Variants in SRPRB observed in about 807,000 individuals in gnomAD.
SRPRB encodes signal recognition particle receptor subunit beta.
In SRPRB, 20 loss-of-function variants were observed where a neutral mutation model predicts 31.9. The observed-to-expected ratio is 0.63, with a 90% CI of 0.44 to 0.91. The LOEUF (loss-of-function observed/expected upper bound fraction) is 0.91, where lower values mean the gene tolerates loss of function less well. Among genes scored for constraint, SRPRB ranks in the 40% least tolerant of loss-of-function variants. The probability of loss-of-function intolerance (pLI) is 0.00; values close to 1 mark genes in which losing one functional copy is unlikely to be tolerated. For synonymous variants in SRPRB, 146 were observed against 132.8 expected (o/e 1.10, Z -0.68); for missense variants, 321 against 324.9 (o/e 0.99, Z 0.09).
chr3:133,824,580 T>C (rs1935526899), downstream of SRPRB: 1 of 151,694 alleles, frequency 6.6e-6, no homozygotes, highest in East Asian at 1.9e-4. Flanking sequence ...GTCCAAGGAG[T>C]TTGCACATTG....
chr3:133,805,617 C>T (rs1935136468), upstream of SRPRB: 1 of 411,898 alleles, frequency 2.4e-6, no homozygotes, highest in African/African-American at 2.1e-5. Flanking sequence ...ACTGACTCAT[C>T]TCTTAAAAGA....
intron 1 of SRPRB, 29 bp downstream of exon 1, chr3:133,806,031 T>C (rs903911528): frequency 6.3e-7 from 1 of 1,599,534 alleles, no homozygotes; most frequent in Non-Finnish European, 8.5e-7. Flanking sequence ...TCATGGCGGG[T>C]TTGGGGCGGG....
chr3:133,784,851 T>C (rs150442028), intron 1 of SRPRB: 4 of 152,434 alleles, frequency 2.6e-5, no homozygotes, highest in Non-Finnish European at 5.9e-5. Flanking sequence ...CTGGTCATAT[T>C]TAGAAGACAT....
At position 133,805,985 on chromosome 3, in the gene SRPRB, C is replaced by G. The variant is rs144338029; in HGVS notation, c.137C>G (p.Ala46Gly). The G allele has an allele frequency of 3.7e-6, 6 of 1,612,722 alleles. No individual in the cohort carries two copies. The Middle Eastern group carries it at 6.6e-4, about 177-fold the overall frequency. ...TLLSVVVAVL[A>G]VLLTLVFWKL... is the part of the protein sequence containing the mutation. Reference sequence around the variant, plus strand: ...TTGTCAGTAGTGGTGGCGGTTCTTGCGGTGCTGCTGACGCTAGGTAAAAGG... The same window carrying G: ...TTGTCAGTAGTGGTGGCGGTTCTTGGGGTGCTGCTGACGCTAGGTAAAAGG... Residue 46 changes from alanine to glycine, a missense_variant, in exon 1 of 7, where the codon GCG becomes GGG. By Grantham distance (60) the Ala-to-Gly change is moderately conservative. Coordinates refer to ENST00000678299, the MANE Select transcript of SRPRB (RefSeq NM_001379313.1).
chr3:133,809,883 G>C (rs1268980023), intron 3 of SRPRB, among the ~76,000 whole-genome samples: 3 of 151,362 alleles, frequency 2.0e-5, no homozygotes, highest in Non-Finnish European at 2.9e-5. Context: ...TTTTTATTAT[G>C]GTTACTGGAA....
Position 133,821,376 on chromosome 3 carries a change from T to G in SRPRB, c.*1610T>G, listed in dbSNP as rs1940952628. On this transcript the variant is annotated 3_prime_UTR_variant, in exon 7 of 7. Transcript: ENST00000678299. ...GACTCTTATTTCTTGCCCTTTTCCT[T>G]ATTAGGCAAGCAGTAACTTAGGAAG... 1 of 152,188 alleles carries G rather than the reference T, an allele frequency of 6.6e-6. No individual in the cohort carries two copies. The highest frequency in any genetic ancestry group is 6.5e-5 in the Admixed American group (1 of 15,284). The allele number at this position is 152,188 out of a possible 1,614,324, so 9.4% of individuals were successfully genotyped here. A position where few individuals can be genotyped will look rare whatever the true frequency, so the allele number is the denominator to read the frequency against.
In SRPRB at chr3:133,792,169, C is replaced by G. The variant is rs150388097; in HGVS notation, c.-174+8025C>G. The G allele has an allele frequency of 3.0e-4, 45 of 152,178 alleles. 1 individual carries two copies. Among genetic ancestry groups the G allele is most frequent in the African/African-American group, 1.1e-3 (45 of 41,522 alleles). The allele number at this position is 152,178 out of a possible 1,614,324, so 9.4% of individuals were successfully genotyped here. A position where few individuals can be genotyped will look rare whatever the true frequency, so the allele number is the denominator to read the frequency against. On this transcript the variant is annotated intron_variant, in intron 1 of 7. Coordinates refer to the SRPRB transcript ENST00000466490. The stretch of plus-strand genomic sequence containing the variant: ...AAGGCCTGGGGACAAATAGAATTAG[C>G]CATGTCCCCTAGCTATGCAAAGAAG...
rs1935439801 is a variant in SRPRB, at chr3:133,819,885, C to T, written c.*119C>T. 5.5e-5 allele frequency: 49 copies of T among 889,004 alleles called. No homozygotes were observed. Among genetic ancestry groups the T allele is most frequent in the South Asian group, 1.7e-4 (9 of 54,534 alleles). The allele number at this position is 889,004 out of a possible 1,614,324, so 55.1% of individuals were successfully genotyped here. A position where few individuals can be genotyped will look rare whatever the true frequency, so the allele number is the denominator to read the frequency against. On this transcript the variant is annotated 3_prime_UTR_variant, in exon 7 of 7. Transcript: ENST00000678299. Reference sequence around the variant, plus strand: ...ATGTGGTTAGAAACATTTCTTTGTTCTGGAAACAAAGTACTGTTGAAACCA... The same window carrying T: ...ATGTGGTTAGAAACATTTCTTTGTTTTGGAAACAAAGTACTGTTGAAACCA...
At chr3:133,812,874 G>A (rs1197298763) in intron 4 of SRPRB, among the ~76,000 whole-genome samples, 1 of 151,932 alleles carries the variant, frequency 6.6e-6, no homozygotes, top group African/African-American at 2.4e-5. Context: ...GGATGCTTAT[G>A]GTCTTTTGCT....
chr3:133,827,805 C>T, downstream of SRPRB: 1 of 394,444 alleles, frequency 2.5e-6, no homozygotes, highest in Non-Finnish European at 5.1e-6. Context: ...TCCAGCTTCC[C>T]TGACATCCAG....
chr3:133,806,838 G>C (rs1935170865), intron 2 of SRPRB, 135 bp downstream of exon 2: 3 of 665,288 alleles, frequency 4.5e-6, no homozygotes, highest in African/African-American at 1.8e-5. Flanking sequence ...TGACTTACTT[G>C]GGAGAACAAA....
At chr3:133,806,398 G>C (rs1935160928) in intron 1 of SRPRB, among the ~76,000 whole-genome samples, 1 of 152,210 alleles carries the variant, frequency 6.6e-6, no homozygotes, top group South Asian at 2.1e-4. Context: ...GTCCCAGTCA[G>C]AGTAAGGACT....
At chr3:133,796,908 C>T (rs1200861800) in intron 1 of SRPRB, among the ~76,000 whole-genome samples, 1 of 152,274 alleles carries the variant, frequency 6.6e-6, no homozygotes, top group Admixed American at 6.5e-5. Context: ...TATATTTATG[C>T]TGATTCAGGG....
chr3:133,790,209 C>A (rs1934797785), intron 1 of SRPRB: 1 of 152,066 alleles, frequency 6.6e-6, no homozygotes, highest in African/African-American at 2.4e-5. Context: ...TGGGCCATTT[C>A]CAATTAGAAA....
upstream of SRPRB, among the ~76,000 whole-genome samples, chr3:133,803,597 A>G (rs1453285835): frequency 1.3e-5 from 2 of 152,078 alleles, no homozygotes; most frequent in African/African-American, 4.8e-5. Context: ...TTCTTGCCCA[A>G]TCAAAAACAT....
chr3:133,819,873 C>A lies in SRPRB; in HGVS notation c.*107C>A. 1.0e-5 allele frequency: 10 copies of A among 961,982 alleles called. No individual in the cohort carries two copies. Among genetic ancestry groups the A allele is most frequent in the South Asian group, 1.5e-5 (1 of 64,560 alleles). 59.6% of individuals were successfully genotyped at this position (961,982 alleles called of 1,614,324 possible). On this transcript the variant is annotated 3_prime_UTR_variant, in exon 7 of 7. Transcript: ENST00000678299. The stretch of plus-strand genomic sequence containing the variant: ...AAGGGGTACAAGATGTGGTTAGAAA[C>A]ATTTCTTTGTTCTGGAAACAAAGTA...
At chr3:133,805,782 TC>T (rs1294697887), upstream of SRPRB, 2 of 1,514,184 alleles carry the variant, frequency 1.3e-6, no homozygotes, top group Non-Finnish European at 1.8e-6. Flanking sequence ...GAGGCTCTGC[TC>T]CCCGCGCCTG....
intron 4 of SRPRB, among the ~76,000 whole-genome samples, chr3:133,814,205 C>T (rs1429655476): frequency 1.3e-5 from 2 of 150,520 alleles, no homozygotes; most frequent in Non-Finnish European, 2.9e-5. Flanking sequence ...GATCTTGGCT[C>T]GCTGCAAGCT....
In SRPRB at chr3:133,807,744, AGTT is replaced by A. The variant is rs1487263808; in HGVS notation, c.252_254del (p.Leu85del). ...ATATCACCCATCTTGTTTTTTTTACAGTTGTTAACAGGCCTTTATAGAGACACT... is the reference window on the plus strand; with the variant it reads ...ATATCACCCATCTTGTTTTTTTTACAGTTAACAGGCCTTTATAGAGACACT... On this transcript the variant is annotated splice_acceptor_variant and coding_sequence_variant, in exon 3 of 7. Transcript: ENST00000678299. LOFTEE classifies it high-confidence loss of function. 1.2e-6 allele frequency: 2 copies of A among 1,607,716 alleles called. No homozygotes were observed. The highest frequency in any genetic ancestry group is 1.7e-5 in the Admixed American group (1 of 58,974).
Sources: allele counts gnomAD v4.1 joint callset (sites outside exome capture counted in the v4.1 genomes callset), GRCh38; gene constraint gnomAD v4.1.1; transcripts MANE v1.5; gene names NCBI Gene and HGNC (gene_info 2026-07-23, HGNC 2026-07-21).